IL1RAPL1: variants seen among roughly 807,000 people sequenced by gnomAD.
IL1RAPL1 encodes the protein interleukin-1 receptor accessory protein-like 1.
IL1RAPL1 carries 3 observed loss-of-function variants against 48.4 expected under a neutral mutation model. The ratio of observed to expected loss-of-function variants is 0.06; its 90% CI spans 0.03 to 0.16. The LOEUF (loss-of-function observed/expected upper bound fraction) is 0.16, where lower values mean the gene tolerates loss of function less well. Among genes scored for constraint, IL1RAPL1 ranks in the 10% least tolerant of loss-of-function variants. IL1RAPL1 has a pLI of 1.00. For missense variants in IL1RAPL1, 349 were observed against 530.6 expected (o/e 0.66, Z 3.36); for synonymous variants, 185 against 187.7 (o/e 0.99, Z 0.12).
intron 2 of IL1RAPL1, among the ~76,000 whole-genome samples, chrX:29,180,843 G>A (rs1365787277): frequency 3.6e-5 from 4 of 111,230 alleles, no homozygotes; most frequent in Non-Finnish European, 7.5e-5. Context: ...TTACAGTGAC[G>A]TTTTAGATTC....
chrX:29,265,155 C>T (rs903241891), intron 2 of IL1RAPL1, among the ~76,000 whole-genome samples: 5 of 110,907 alleles, frequency 4.5e-5, no homozygotes, highest in Admixed American at 2.9e-4. Context: ...TCAGGTGATC[C>T]GCCCACCTCG....
intron 1 of IL1RAPL1, among the ~76,000 whole-genome samples, chrX:28,692,168 C>G (rs914046911): frequency 8.1e-5 from 9 of 111,255 alleles, no homozygotes; most frequent in Non-Finnish European, 1.7e-4. Flanking sequence ...CTAGAACTTA[C>G]CACCATGAGA....
intron 6 of IL1RAPL1, among the ~76,000 whole-genome samples, chrX:29,885,725 G>A (rs183409500): frequency 3.9e-4 from 43 of 111,513 alleles, no homozygotes; most frequent in South Asian, 1.9e-3. Context: ...AAGCTGAGGC[G>A]GGAGGTTCAC....
At position 29,858,271 on chromosome X, in the gene IL1RAPL1, G is replaced by A. The variant is rs755544184; in HGVS notation, c.779-59193G>A. Among the ~76,000 whole-genome samples, 7 of 111,744 alleles carry A rather than the reference G, an allele frequency of 6.3e-5. No individual in the cohort carries two copies. The South Asian group carries it at 1.5e-3, about 24-fold the overall frequency. On this transcript the variant is annotated intron_variant, in intron 6 of 10. Coordinates refer to ENST00000378993, the MANE Select transcript of IL1RAPL1 (RefSeq NM_014271.4). ...TACAGCACACAACACACAATACACC[G>A]TAAAGTGTTTTGCACATCATAAAAA... is the stretch of plus-strand genomic sequence containing the variant.
At chrX:29,399,623 A>G (rs1053224099) in intron 5 of IL1RAPL1, among the ~76,000 whole-genome samples, 2 of 111,082 alleles carry the variant, frequency 1.8e-5, no homozygotes, top group Admixed American at 1.9e-4. Context: ...GTTCAGGACC[A>G]GCCTGGCCAA....
rs1277855023 is a variant in IL1RAPL1 at position 29,829,493 on chromosome X, A to G, written c.779-87971A>G. Among the ~76,000 whole-genome samples, 3 of 110,397 alleles carry G rather than the reference A, an allele frequency of 2.7e-5. No individual in the cohort carries two copies. The Admixed American group carries it at 2.9e-4, about 11-fold the overall frequency. On this transcript the variant is annotated intron_variant, in intron 6 of 10. Transcript: ENST00000378993. The stretch of plus-strand genomic sequence containing the variant: ...ATGAGGTCTTTCTTTTGGGTATTTT[A>G]TTTTTGTTTAGAAGGGATCTTATAC...
At chrX:28,788,088 C>T (rs1235417987) in intron 1 of IL1RAPL1, among the ~76,000 whole-genome samples, 1 of 111,383 alleles carries the variant, frequency 9.0e-6, no homozygotes, top group Non-Finnish European at 1.9e-5. Flanking sequence ...AGCATGTTGA[C>T]TATAATTAAT....
chrX:29,705,380 A>C (rs1250025309), intron 6 of IL1RAPL1, among the ~76,000 whole-genome samples: 2 of 110,435 alleles, frequency 1.8e-5, no homozygotes, highest in Non-Finnish European at 3.8e-5. Context: ...ACACCCAACT[A>C]ATTTTTGTAT....
At chrX:29,048,400 T>C (rs1457948680) in intron 2 of IL1RAPL1, among the ~76,000 whole-genome samples, 2 of 112,128 alleles carry the variant, frequency 1.8e-5, no homozygotes, top group East Asian at 5.6e-4. Context: ...TTCAAGTCTC[T>C]GAGTGTAGGT....
chrX:28,791,894 G>A (rs1159815251), intron 2 of IL1RAPL1, among the ~76,000 whole-genome samples: 2 of 111,688 alleles, frequency 1.8e-5, no homozygotes, highest in Non-Finnish European at 3.8e-5. Context: ...GTAGCTTACT[G>A]AATAGTGTCA....
At chrX:29,925,706 TA>T (rs58757175) in intron 8 of IL1RAPL1, among the ~76,000 whole-genome samples, 255 of 102,044 alleles carry the variant, frequency 2.5e-3, no homozygotes, top group African/African-American at 6.8e-3. Context: ...CCTGGCTATT[TA>T]AAAAAAAAAA....
intron 2 of IL1RAPL1, among the ~76,000 whole-genome samples, chrX:29,025,257 A>G (rs1212778672): frequency 1.8e-5 from 2 of 112,293 alleles, no homozygotes; most frequent in South Asian, 3.7e-4. Flanking sequence ...ATAATGCTGA[A>G]TGAACGTTAA....
At chrX:29,535,433 C>T (rs1921199092) in intron 5 of IL1RAPL1, among the ~76,000 whole-genome samples, 1 of 111,708 alleles carries the variant, frequency 9.0e-6, no homozygotes, top group Non-Finnish European at 1.9e-5. Flanking sequence ...TTTCTGTGCT[C>T]TCACTTTTAT....
intron 6 of IL1RAPL1, among the ~76,000 whole-genome samples, chrX:29,739,596 T>G: frequency 8.9e-6 from 1 of 112,055 alleles, no homozygotes; most frequent in Non-Finnish European, 1.9e-5. Context: ...ATTTAATTGT[T>G]AAAATAACAC....
intron 2 of IL1RAPL1, among the ~76,000 whole-genome samples, chrX:28,951,832 T>C (rs1457252614): frequency 1.8e-5 from 2 of 111,899 alleles, no homozygotes; most frequent in East Asian, 2.8e-4. Flanking sequence ...AAATACTTTT[T>C]TAATCATGAG....
chrX:28,803,814 C>T (rs1936700042), intron 2 of IL1RAPL1, among the ~76,000 whole-genome samples: 1 of 111,742 alleles, frequency 8.9e-6, no homozygotes, highest in Admixed American at 9.5e-5. Context: ...TAGTATATAC[C>T]AAGTGCTTGA....
chrX:29,021,336 T>G (rs1408328288), intron 2 of IL1RAPL1, among the ~76,000 whole-genome samples: 2 of 106,687 alleles, frequency 1.9e-5, no homozygotes, highest in Non-Finnish European at 4.0e-5. Context: ...CATGTGTCAT[T>G]TTTTAGTAGA....
intron 3 of IL1RAPL1, among the ~76,000 whole-genome samples, chrX:29,374,946 A>G (rs777269028): frequency 6.6e-4 from 72 of 109,533 alleles, no homozygotes; most frequent in Non-Finnish European, 1.1e-3. Flanking sequence ...CAAAGTCCAG[A>G]TAATACTGAC....
intron 6 of IL1RAPL1, among the ~76,000 whole-genome samples, chrX:29,747,165 C>G (rs1462411125): frequency 9.0e-6 from 1 of 111,530 alleles, no homozygotes; most frequent in Non-Finnish European, 1.9e-5. Flanking sequence ...GTAGCTGTTT[C>G]AGAATTGAGA....
Sources: gnomAD v4.1 joint callset for allele counts (sites outside exome capture counted in the v4.1 genomes callset) on GRCh38, gnomAD v4.1.1 for gene constraint, MANE v1.5 for transcripts, NCBI Gene and HGNC (gene_info 2026-07-23, HGNC 2026-07-21) for gene names.